The following MYO7A variants were observed in gnomAD, a reference collection of about 807,000 sequenced individuals.
The protein encoded by MYO7A is myosin VIIA.
A neutral mutation model predicts 263.8 loss-of-function variants in MYO7A; 210 were observed. The observed-to-expected ratio is 0.80, with a 90% CI of 0.71 to 0.89. MYO7A has a LOEUF of 0.89. Ranked by LOEUF, MYO7A falls within the 40% of genes least tolerant of loss-of-function variation. The probability of loss-of-function intolerance (pLI) is 0.00; values close to 1 mark genes in which losing one functional copy is unlikely to be tolerated. For synonymous variants in MYO7A, 1,239 were observed against 1,197.3 expected (o/e 1.03, Z -0.72); for missense variants, 2,820 against 2,968.3 (o/e 0.95, Z 1.16).
At chr11:77,168,085 C>T (rs1953725796) in intron 15 of MYO7A, among the ~76,000 whole-genome samples, 1 of 152,194 alleles carries the variant, frequency 6.6e-6, no homozygotes, top group African/African-American at 2.4e-5. Flanking sequence ...GCCCTGCTGG[C>T]CCCTCGCTGG....
rs575475444 is a variant in MYO7A, at chr11:77,190,803, C to T, written c.3857C>T (p.Ala1286Val). ...SATTAKELCN[A>V]LADKISLKDR... is the part of the protein sequence containing the mutation. ...ACCACGGCCAAGGAGCTCTGCAACG[C>T]GCTGGCCGACAAGATCTCTCTCAAG... Residue 1286 changes from alanine (A) to valine (V), a missense_variant, in exon 30 of 49, where the codon GCG becomes GTG. Ala to Val is a moderately conservative substitution (Grantham distance 64). Coordinates refer to ENST00000409709, the MANE Select transcript of MYO7A (RefSeq NM_000260.4). The T allele has an allele frequency of 3.1e-6, 5 of 1,592,206 alleles. No individual in the cohort carries two copies. Among genetic ancestry groups the T allele is most frequent in the Non-Finnish European group, 3.4e-6 (4 of 1,169,906 alleles).
At chr11:77,170,672 C>T (rs61900006) in intron 15 of MYO7A, among the ~76,000 whole-genome samples, 5,132 of 152,072 alleles carry the variant, frequency 0.034, 114 homozygotes, top group Admixed American at 0.06. Flanking sequence ...GTGTGGCTCT[C>T]GGCTGTCCCA....
chr11:77,190,344 T>C (rs964244708), intron 29 of MYO7A, among the ~76,000 whole-genome samples: 1 of 152,214 alleles, frequency 6.6e-6, no homozygotes, highest in Non-Finnish European at 1.5e-5. Context: ...CTCCATTTGC[T>C]GGCCTTACGG....
At chr11:77,146,559 TGG>T (rs1481550788) in intron 3 of MYO7A, among the ~76,000 whole-genome samples, 1 of 152,016 alleles carries the variant, frequency 6.6e-6, no homozygotes, top group Non-Finnish European at 1.5e-5. Flanking sequence ...CCTGTTGGAC[TGG>T]GGTGGTGGTG....
intron 24 of MYO7A, 129 bp downstream of exon 24, chr11:77,182,283 T>C (rs1385707336): frequency 4.2e-6 from 6 of 1,431,640 alleles, no homozygotes; most frequent in Non-Finnish European, 4.7e-6. Flanking sequence ...GGTCTGACTA[T>C]AGTCTTCACT....
chr11:77,204,974 T>A (rs1352723297), intron 39 of MYO7A, among the ~76,000 whole-genome samples: 1 of 152,094 alleles, frequency 6.6e-6, no homozygotes, highest in Non-Finnish European at 1.5e-5. Flanking sequence ...CCTCCAAACT[T>A]CCCACTGTCA....
chr11:77,167,773 C>T (rs1953690153), intron 15 of MYO7A, among the ~76,000 whole-genome samples: 1 of 152,178 alleles, frequency 6.6e-6, no homozygotes, highest in South Asian at 2.1e-4. Context: ...ACAATCCACA[C>T]ACCCCCAGCA....
Position 77,199,667 on chromosome 11 carries a change from C to A in MYO7A, c.4701C>A (p.Ala1567=), listed in dbSNP as rs1956924147. The A allele has an allele frequency of 6.2e-7, 1 of 1,613,190 alleles. No homozygotes were observed. The highest frequency in any genetic ancestry group is 1.1e-5 in the South Asian group (1 of 90,928). The change falls in exon 35 of 49, where the codon GCC becomes GCA. Residue 1567 remains alanine, a synonymous_variant. Transcript: ENST00000409709. ...CWSCRGAKTT[A]PSFTLATIKG... The stretch of plus-strand genomic sequence containing the variant: ...CCTGCAGGGGAGCGAAAACGACGGC[C>A]CCCAGCTTCACGCTGGCCACCATCA...
In MYO7A at chr11:77,180,387, T is replaced by A. The variant is rs1955074720; in HGVS notation, c.2600T>A (p.Leu867His). Residue 867 changes from leucine (L) to histidine (H), a missense_variant, in exon 22 of 49, where the codon CTC becomes CAC. Transcript: ENST00000409709. Reference protein sequence around the residue: ...QRLRAEYLWRLEAEKMRLAEE... With the variant: ...QRLRAEYLWRHEAEKMRLAEE... ...CCCTTCCCTCAGTATCTGTGGCGCCTCGAGGCTGAGAAAATGCGGCTGGCG... is the reference window on the plus strand; with the variant it reads ...CCCTTCCCTCAGTATCTGTGGCGCCACGAGGCTGAGAAAATGCGGCTGGCG... The A allele has an allele frequency of 3.1e-6, 5 of 1,612,424 alleles. No homozygotes were observed. The East Asian group carries it at 1.1e-4, about 36-fold the overall frequency.
intron 2 of MYO7A, among the ~76,000 whole-genome samples, chr11:77,132,769 G>A (rs12802419): frequency 7.9e-5 from 12 of 152,150 alleles, no homozygotes; most frequent in Admixed American, 6.5e-4. Flanking sequence ...TTACAGGCGT[G>A]AGCCACCGCA....
intron 17 of MYO7A, 76 bp downstream of exon 17, chr11:77,174,990 C>A: frequency 6.4e-7 from 1 of 1,565,126 alleles, no homozygotes; most frequent in South Asian, 1.1e-5. Flanking sequence ...ATTTTCTTAT[C>A]AGGACCATGG....
chr11:77,149,039 G>T (rs1951780933), intron 4 of MYO7A, among the ~76,000 whole-genome samples: 1 of 152,200 alleles, frequency 6.6e-6, no homozygotes, highest in African/African-American at 2.4e-5. Context: ...GGGGTCTTTG[G>T]TCCACACCCT....
At chr11:77,204,573 T>C (rs1193089332) in intron 39 of MYO7A, among the ~76,000 whole-genome samples, 22 of 152,216 alleles carry the variant, frequency 1.4e-4, no homozygotes, top group Non-Finnish European at 2.9e-5. Context: ...CCCTCCCTGG[T>C]GCAGGCTGGG....
At chr11:77,166,623 G>A (rs782509866) in intron 15 of MYO7A, among the ~76,000 whole-genome samples, 2 of 152,158 alleles carry the variant, frequency 1.3e-5, no homozygotes, top group Non-Finnish European at 2.9e-5. Context: ...TAGGCCCTAG[G>A]GTGAGGGTCT....
In MYO7A at chr11:77,201,554, T is replaced by A. The variant is rs1417712773; in HGVS notation, c.4959T>A (p.Asn1653Lys). 2 of 1,613,692 alleles carry A rather than the reference T, an allele frequency of 1.2e-6. No individual in the cohort carries two copies. The highest frequency in any genetic ancestry group is 2.2e-5 in the East Asian group (1 of 44,842). Reference sequence around the variant, plus strand: ...ACTCGGGCTGGGCCAACGGCATCAATGAGAGGACCAAGCAGCGTGGGGACT... The same window carrying A: ...ACTCGGGCTGGGCCAACGGCATCAAAGAGAGGACCAAGCAGCGTGGGGACT... ...VMNSGWANGINERTKQRGDFP... is the reference protein window; with the variant it reads ...VMNSGWANGIKERTKQRGDFP... The change falls in exon 36 of 49, where the codon AAT becomes AAA. Residue 1653 changes from asparagine to lysine, a missense_variant. Asn to Lys is a moderately conservative substitution (Grantham distance 94). Coordinates refer to ENST00000409709, the MANE Select transcript of MYO7A (RefSeq NM_000260.4).
At chr11:77,186,455 A>C (rs879987117) in intron 27 of MYO7A, among the ~76,000 whole-genome samples, 2 of 152,180 alleles carry the variant, frequency 1.3e-5, no homozygotes, top group Admixed American at 1.3e-4. Context: ...CACCTTCATC[A>C]ATGATTCTAG....
intron 4 of MYO7A, among the ~76,000 whole-genome samples, chr11:77,149,634 G>T (rs1951830086): frequency 6.6e-6 from 1 of 152,142 alleles, no homozygotes; most frequent in African/African-American, 2.4e-5. Flanking sequence ...CCCTTCAGCT[G>T]CCAGAGAGGT....
At chr11:77,190,285 C>G (rs1565433804) in intron 29 of MYO7A, 146 bp downstream of exon 29, 10 of 895,852 alleles carry the variant, frequency 1.1e-5, no homozygotes, top group Non-Finnish European at 1.4e-5. Context: ...CCCTCAAGTT[C>G]TGGAACCCCA....
chr11:77,173,767 C>A (rs1247283888), intron 16 of MYO7A, among the ~76,000 whole-genome samples: 1 of 152,252 alleles, frequency 6.6e-6, no homozygotes, highest in South Asian at 2.1e-4. Context: ...CCTGCTGCCT[C>A]CTGCCTGGAA....
Sources: allele counts gnomAD v4.1 joint callset (sites outside exome capture counted in the v4.1 genomes callset), GRCh38; gene constraint gnomAD v4.1.1; transcripts MANE v1.5; gene names NCBI Gene and HGNC (gene_info 2026-07-23, HGNC 2026-07-21).